The following PEX14 variants were observed in gnomAD, a reference collection of about 807,000 sequenced individuals.
PEX14 encodes peroxisomal biogenesis factor 14.
In PEX14, 15 loss-of-function variants were observed where a neutral mutation model predicts 49.5. The ratio of observed to expected loss-of-function variants is 0.30; its 90% confidence interval spans 0.20 to 0.47. The LOEUF is 0.47. Ranked by LOEUF, PEX14 falls within the 20% of genes least tolerant of loss-of-function variation. PEX14 has a pLI of 1.00. For missense variants in PEX14, 398 were observed against 494.8 expected (o/e 0.80, Z 1.86); for synonymous variants, 210 against 212.7 (o/e 0.99, Z 0.11).
chr1:10,621,610 G>C (rs1028242880), intron 5 of PEX14, among the ~76,000 whole-genome samples: 6 of 152,096 alleles, frequency 3.9e-5, no homozygotes, highest in African/African-American at 1.4e-4. Flanking sequence ...CTCCCAAAGT[G>C]CTGGGATTAC....
At chr1:10,581,816 T>C (rs375171540) in intron 3 of PEX14, among the ~76,000 whole-genome samples, 15 of 150,932 alleles carry the variant, frequency 9.9e-5, no homozygotes, top group East Asian at 3.9e-4. Flanking sequence ...GCTTTTTCGT[T>C]TGTCTCCCTT....
At chr1:10,520,978 CTT>C (rs34115584) in intron 2 of PEX14, among the ~76,000 whole-genome samples, 1 of 140,978 alleles carries the variant, frequency 7.1e-6, no homozygotes. Context: ...TTGCCGTTGT[CTT>C]TTTTTTTTTT....
intron 4 of PEX14, chr1:10,616,806 C>G (rs1401240395): frequency 6.6e-6 from 1 of 152,132 alleles, no homozygotes; most frequent in Non-Finnish European, 1.5e-5. Context: ...CAGGAGGGCA[C>G]TTTGCTATGT....
At position 10,491,423 on chromosome 1, in the gene PEX14, C is replaced by G. The variant is rs553991923; in HGVS notation, c.37-3851C>G. 1.1e-3 allele frequency among the ~76,000 whole-genome samples: 170 copies of G among 152,120 alleles called. 2 individuals are homozygous for G. The highest frequency in any genetic ancestry group is 3.9e-3 in the African/African-American group (162 of 41,502). On this transcript the variant is annotated intron_variant, in intron 1 of 8. Coordinates refer to ENST00000356607, the MANE Select transcript of PEX14 (RefSeq NM_004565.3). ...TGAGACAGAGTCTTGCTCTGTTGAC[C>G]AAGCTGGAATACAATGGCACCATCA...
intron 3 of PEX14, among the ~76,000 whole-genome samples, chr1:10,595,715 A>G (rs1465124165): frequency 6.6e-6 from 1 of 152,222 alleles, no homozygotes; most frequent in Admixed American, 6.5e-5. Context: ...CTGCTCAGCC[A>G]TTGCTCCGTC....
intron 3 of PEX14, among the ~76,000 whole-genome samples, chr1:10,591,376 C>T (rs1282498735): frequency 1.3e-5 from 2 of 152,136 alleles, no homozygotes; most frequent in African/African-American, 4.8e-5. Context: ...GTATCTTCTT[C>T]TGTCTTGGTT....
At chr1:10,549,117 A>G (rs1245045587) in intron 3 of PEX14, among the ~76,000 whole-genome samples, 1 of 152,120 alleles carries the variant, frequency 6.6e-6, no homozygotes, top group African/African-American at 2.4e-5. Context: ...TTACTATATC[A>G]TGGTATGTCA....
chr1:10,504,241 G>C (rs1038095793), intron 2 of PEX14, among the ~76,000 whole-genome samples: 7 of 152,054 alleles, frequency 4.6e-5, no homozygotes, highest in African/African-American at 1.7e-4. Flanking sequence ...ATGGTTTGTA[G>C]TTATAACCGA....
chr1:10,577,656 A>C lies in PEX14; in HGVS notation c.170-21582A>C, dbSNP rs375819846. On this transcript the variant is annotated intron_variant, in intron 3 of 8. Transcript: ENST00000356607. Reference sequence around the variant, plus strand: ...ACCCAGGCTGGAGTCCAGTGGCGCAATCTCGGCTCACTGCAAGCTCCGCCT... The same window carrying C: ...ACCCAGGCTGGAGTCCAGTGGCGCACTCTCGGCTCACTGCAAGCTCCGCCT... Among the ~76,000 whole-genome samples, 9 of 119,650 alleles carry C rather than the reference A, an allele frequency of 7.5e-5. No homozygotes were observed. The East Asian group carries it at 2.2e-3, about 29-fold the overall frequency. The allele number at this position is 119,650 out of a possible 152,430, so 78.5% of individuals were successfully genotyped here.
chr1:10,624,527 C>T (rs970190486), intron 7 of PEX14, 90 bp downstream of exon 7: 3 of 873,638 alleles, frequency 3.4e-6, no homozygotes, highest in East Asian at 2.5e-5. Flanking sequence ...TTGCCACCTT[C>T]GGGAGCTGGA....
At chr1:10,545,634 A>G (rs1237901570) in intron 3 of PEX14, among the ~76,000 whole-genome samples, 1 of 152,232 alleles carries the variant, frequency 6.6e-6, no homozygotes, top group Non-Finnish European at 1.5e-5. Context: ...TCCTAGCTTC[A>G]CCACTCTTTA....
intron 3 of PEX14, among the ~76,000 whole-genome samples, chr1:10,541,939 G>A (rs1431690654): frequency 2.0e-5 from 3 of 152,116 alleles, no homozygotes; most frequent in African/African-American, 7.2e-5. Context: ...AGGAGTTTGC[G>A]GGGAGGGAAC....
At chr1:10,500,655 A>G (rs1570159804) in intron 2 of PEX14, among the ~76,000 whole-genome samples, 2 of 151,928 alleles carry the variant, frequency 1.3e-5, no homozygotes, top group South Asian at 4.2e-4. Context: ...GCTCACTGCA[A>G]CCTCTGTCTC....
intron 1 of PEX14, among the ~76,000 whole-genome samples, chr1:10,490,255 TAC>T (rs1641447254): frequency 6.6e-6 from 1 of 152,194 alleles, no homozygotes; most frequent in African/African-American, 2.4e-5. Context: ...AGCAGAGAAC[TAC>T]ACAGACTGGC....
rs1641539997 is a variant in PEX14 at position 10,495,339 on chromosome 1, GT to G, written c.84+19del. ...AGCCGCTGGTAAGTACCCAAGATAT[GT>G]GGTATCACTTTCTAGTAATTAAAAT... is the stretch of plus-strand genomic sequence containing the variant. On this transcript the variant is annotated intron_variant, in intron 2 of 8. Coordinates refer to ENST00000356607, the MANE Select transcript of PEX14 (RefSeq NM_004565.3). The surrounding 1 kb of genome is among the most constrained non-coding windows in gnomAD (Gnocchi z 4.2). The G allele has an allele frequency of 6.3e-7, 1 of 1,599,904 alleles. No homozygotes were observed. The highest frequency in any genetic ancestry group is 8.6e-7 in the Non-Finnish European group (1 of 1,167,726).
intron 1 of PEX14, among the ~76,000 whole-genome samples, chr1:10,492,821 G>A (rs1641493896): frequency 6.6e-6 from 1 of 152,216 alleles, no homozygotes; most frequent in Non-Finnish European, 1.5e-5. Context: ...GGCAGTTTCT[G>A]CACACGTGGA....
intron 1 of PEX14, among the ~76,000 whole-genome samples, chr1:10,475,375 C>T (rs1233780610): frequency 6.6e-6 from 1 of 152,152 alleles, no homozygotes; most frequent in Non-Finnish European, 1.5e-5. Flanking sequence ...CCCGGCTGTC[C>T]CCTCCGGGGA....
chr1:10,586,154 A>T (rs1027380753), intron 3 of PEX14, among the ~76,000 whole-genome samples: 1 of 152,220 alleles, frequency 6.6e-6, no homozygotes, highest in African/African-American at 2.4e-5. Flanking sequence ...CTAACAACAC[A>T]ATGAACAAAC....
At chr1:10,610,311 T>A (rs1641242162) in intron 4 of PEX14, among the ~76,000 whole-genome samples, 1 of 147,054 alleles carries the variant, frequency 6.8e-6, no homozygotes, top group Non-Finnish European at 1.5e-5. Context: ...CAGAGTATAT[T>A]TATTATATAT....
Sources: allele counts gnomAD v4.1 joint callset (sites outside exome capture counted in the v4.1 genomes callset), GRCh38; gene constraint gnomAD v4.1.1; non-coding constraint Gnocchi (gnomAD v3.1); transcripts MANE v1.5; gene names NCBI Gene and HGNC (gene_info 2026-07-23, HGNC 2026-07-21).